The following PIGG variants were observed in gnomAD, a reference collection of about 807,000 sequenced individuals.
PIGG encodes the protein GPI ethanolamine phosphate transferase 2, catalytic subunit.
PIGG carries 70 observed loss-of-function variants against 83.2 expected under a neutral mutation model. The observed-to-expected ratio is 0.84, with a 90% CI of 0.69 to 1.03. PIGG has a LOEUF of 1.03. Among genes scored for constraint, PIGG ranks in the 50% least tolerant of loss-of-function variants. PIGG has a pLI of 0.00. For synonymous variants in PIGG, 532 were observed against 519.5 expected, an observed-to-expected ratio of 1.02 and a Z score of -0.33; for missense variants, 1,257 against 1,233.6, an observed-to-expected ratio of 1.02 and a Z score of -0.28.
At position 538,825 on chromosome 4, in the gene PIGG, G is replaced by A. The variant is rs184638678; in HGVS notation, c.2736-328G>A. ...AGAGCTCAAGGTGTGTGTGGGGGGG[G>A]ACATGGTGGCCCTCACCCATCCTTC... On this transcript the variant is annotated intron_variant, in intron 12 of 12. Coordinates refer to ENST00000453061, the MANE Select transcript of PIGG (RefSeq NM_001127178.3). Among the ~76,000 whole-genome samples the A allele has an allele frequency of 6.0e-4, 91 of 152,298 alleles. 1 individual carries two copies. Among genetic ancestry groups the A allele is most frequent in the African/African-American group, 2.0e-3 (82 of 41,558 alleles).
At chr4:505,459 CAAAAAAAAAA>C (rs35308755) in intron 2 of PIGG, among the ~76,000 whole-genome samples, 16 of 45,008 alleles carry the variant, frequency 3.6e-4, no homozygotes, top group South Asian at 1.1e-3. Context: ...CTGTATCTAC[CAAAAAAAAAA>C]AAAAAAAAAA....
chr4:516,506 C>T (rs1324988921), intron 6 of PIGG, among the ~76,000 whole-genome samples: 1 of 152,068 alleles, frequency 6.6e-6, no homozygotes, highest in African/African-American at 2.4e-5. Context: ...TGGAACCTTC[C>T]AGAGGGAGGA....
chr4:537,860 G>A (rs1334015386), intron 12 of PIGG, among the ~76,000 whole-genome samples: 1 of 152,206 alleles, frequency 6.6e-6, no homozygotes, highest in Admixed American at 6.5e-5. Flanking sequence ...TTGGCCCTTC[G>A]TGGCTGTTGA....
At chr4:538,857 C>T (rs1731394498) in intron 12 of PIGG, among the ~76,000 whole-genome samples, 2 of 152,134 alleles carry the variant, frequency 1.3e-5, no homozygotes, top group South Asian at 4.1e-4. Flanking sequence ...CTTCTGTTTG[C>T]TTCATTTTTC....
rs542565448 is a variant in PIGG at position 499,878 on chromosome 4, G to A, written c.154+389G>A. ...AGATAAGACCCCTGCCGATCCCCTC[G>A]CGTTTTGGTCTCTTATATTCCTCCA... On this transcript the variant is annotated intron_variant, in intron 1 of 12. Coordinates refer to ENST00000453061, the MANE Select transcript of PIGG (RefSeq NM_001127178.3). 123 of 310,920 alleles carry A rather than the reference G, an allele frequency of 4.0e-4. 1 individual carries two copies. The highest frequency in any genetic ancestry group is 5.2e-4 in the Non-Finnish European group (99 of 189,720). The allele number at this position is 310,920 out of a possible 1,614,324, so 19.3% of individuals were successfully genotyped here. A position where few individuals can be genotyped will look rare whatever the true frequency, so the allele number is the denominator to read the frequency against.
At chr4:506,920 C>G (rs1719929889) in intron 3 of PIGG, 2 of 385,934 alleles carry the variant, frequency 5.2e-6, no homozygotes, top group South Asian at 3.7e-5. Flanking sequence ...CTCATGACAA[C>G]TTGGGATCTA....
intron 2 of PIGG, 68 bp from the exon 3 acceptor site, chr4:505,646 AAAAT>A: frequency 1.2e-5 from 14 of 1,148,960 alleles, no homozygotes; most frequent in South Asian, 5.4e-5. Context: ...AAAAAAAAAA[AAAAT>A]CTTCAGTGCC....
chr4:531,361 A>C (rs747664847), intron 11 of PIGG: 9,607 of 156,830 alleles, frequency 0.061, 580 homozygotes, highest in Middle Eastern at 0.13. Flanking sequence ...TCAGGAGAGC[A>C]GGCACAGCCC....
In PIGG at chr4:539,588, T is replaced by C; in HGVS notation, c.*219T>C. ...ACTCTAGAAGCTTCTGAACTTTTAA[T>C]TTCCTCTGAATAAGCTATGGTGTGA... On this transcript the variant is annotated 3_prime_UTR_variant, in exon 13 of 13. Transcript: ENST00000453061. 2 of 529,342 alleles carry C rather than the reference T, an allele frequency of 3.8e-6. No individual in the cohort carries two copies. The highest frequency in any genetic ancestry group is 6.7e-6 in the Non-Finnish European group (2 of 297,840). The allele number at this position is 529,342 out of a possible 1,614,324, so 32.8% of individuals were successfully genotyped here.
Position 499,268 on chromosome 4 carries a change from G to GAAGC in PIGG, c.-67_-64dup, listed in dbSNP as rs1553873805. 1.1e-5 allele frequency: 17 copies of GAAGC among 1,546,514 alleles called. No homozygotes were observed. Among genetic ancestry groups the GAAGC allele is most frequent in the Admixed American group, 1.8e-5 (1 of 55,018 alleles). On this transcript the variant is annotated 5_prime_UTR_variant, in exon 1 of 13. Coordinates refer to ENST00000453061, the MANE Select transcript of PIGG (RefSeq NM_001127178.3). ...GCTTAGAGGCGGCTACCTGGAGCCG[G>GAAGC]AAGCGCGGCTGCAGCAGGGCGAGGC...
chr4:523,767 T>C lies in PIGG; in HGVS notation c.1923T>C (p.Ser641=). 1 of 1,614,020 alleles carries C rather than the reference T, an allele frequency of 6.2e-7. No homozygotes were observed. The highest frequency in any genetic ancestry group is 8.5e-7 in the Non-Finnish European group (1 of 1,180,042). The change falls in exon 9 of 13, where the codon TCT becomes TCC. Residue 641 remains serine, a synonymous_variant. Transcript: ENST00000453061. ...LERDKGHGSP[S]TSEVLRGREK... ...GAGACAAAGGCCACGGAAGCCCCTC[T>C]ACCTCCGAAGTGCTCAGAGGCCGCG...
chr4:534,788 G>C (rs138565834), intron 12 of PIGG, among the ~76,000 whole-genome samples: 1 of 151,820 alleles, frequency 6.6e-6, no homozygotes, highest in Non-Finnish European at 1.5e-5. Context: ...AGATGTCCCC[G>C]GGGGATCCCA....
intron 9 of PIGG, among the ~76,000 whole-genome samples, chr4:526,717 C>CT (rs34114111): frequency 0.031 from 4,251 of 137,510 alleles, 60 homozygotes; most frequent in Non-Finnish European, 0.039. Context: ...AGTTAACTGT[C>CT]TTTTTTTTTT....
chr4:532,772 T>C (rs1729375872), intron 11 of PIGG: 1 of 152,344 alleles, frequency 6.6e-6, no homozygotes, highest in Non-Finnish European at 1.5e-5. Flanking sequence ...TTGAGCTTGA[T>C]AGAGACATGT....
intron 6 of PIGG, among the ~76,000 whole-genome samples, chr4:517,215 C>T (rs1463457598): frequency 6.6e-6 from 1 of 152,124 alleles, no homozygotes; most frequent in African/African-American, 2.4e-5. Context: ...GAGGATTCTG[C>T]TTTGTGCTGT....
chr4:509,600 C>A (rs1246057185), intron 5 of PIGG, among the ~76,000 whole-genome samples: 1 of 152,266 alleles, frequency 6.6e-6, no homozygotes. Flanking sequence ...TCAGGCACAG[C>A]AGACGCTTTC....
intron 6 of PIGG, among the ~76,000 whole-genome samples, chr4:517,255 G>A (rs1477857399): frequency 1.3e-5 from 2 of 152,162 alleles, no homozygotes; most frequent in Non-Finnish European, 2.9e-5. Context: ...GGCAGTGGCT[G>A]TACTTCTGTG....
chr4:508,770 A>G (rs1553881370), intron 4 of PIGG, 59 bp from the exon 5 acceptor site: 2 of 1,518,150 alleles, frequency 1.3e-6, no homozygotes, highest in African/African-American at 2.8e-5. Flanking sequence ...TTGTCTTCTT[A>G]AGATGATGTG....
At position 499,289 on chromosome 4, in the gene PIGG, G is replaced by A. The variant is rs782759049; in HGVS notation, c.-47G>A. ...GCCGGAAGCGCGGCTGCAGCAGGGC[G>A]AGGCTCCAGGTGGGGTCGGTTCCGC... On this transcript the variant is annotated 5_prime_UTR_variant, in exon 1 of 13. Coordinates refer to ENST00000453061, the MANE Select transcript of PIGG (RefSeq NM_001127178.3). 6 of 1,586,008 alleles carry A rather than the reference G, an allele frequency of 3.8e-6. No individual in the cohort carries two copies. The South Asian group carries it at 6.7e-5, about 18-fold the overall frequency.
Sources: gnomAD v4.1 joint callset for allele counts (sites outside exome capture counted in the v4.1 genomes callset) on GRCh38, gnomAD v4.1.1 for gene constraint, MANE v1.5 for transcripts, NCBI Gene and HGNC (gene_info 2026-07-23, HGNC 2026-07-21) for gene names.